CEP120: variants seen among roughly 807,000 people sequenced by gnomAD.
CEP120 encodes the protein centrosomal protein 120, also known as centrosomal protein of 120 kDa.
CEP120 carries 113 observed loss-of-function variants against 126.5 expected under a neutral mutation model. The observed-to-expected ratio is 0.89, with a 90% CI of 0.77 to 1.04. The LOEUF (loss-of-function observed/expected upper bound fraction) is 1.04. Ranked by LOEUF, CEP120 falls within the 50% of genes least tolerant of loss-of-function variation. The pLI is 0.00. For synonymous variants in CEP120, 400 were observed against 394.3 expected (o/e 1.01, Z -0.17); for missense variants, 1,230 against 1,155.7 (o/e 1.06, Z -0.93).
chr5:123,368,011 G>A (rs759401498), intron 17 of CEP120, among the ~76,000 whole-genome samples: 1 of 151,808 alleles, frequency 6.6e-6, no homozygotes. Flanking sequence ...CTTTTCACTA[G>A]GCACTTAAAC....
intron 8 of CEP120, 111 bp downstream of exon 8, chr5:123,389,813 A>G: frequency 1.0e-6 from 1 of 989,082 alleles, no homozygotes; most frequent in Non-Finnish European, 1.5e-6. Context: ...TTGGTTCTTA[A>G]CAAACCCACA....
intron 5 of CEP120, among the ~76,000 whole-genome samples, chr5:123,398,361 A>G (rs1772942356): frequency 6.6e-6 from 1 of 152,166 alleles, no homozygotes; most frequent in Non-Finnish European, 1.5e-5. Context: ...CTTGCAGAGT[A>G]TGGCAAGACT....
At chr5:123,421,410 A>G (rs1014228912) in intron 1 of CEP120, among the ~76,000 whole-genome samples, 1 of 152,250 alleles carries the variant, frequency 6.6e-6, no homozygotes, top group Non-Finnish European at 1.5e-5. Context: ...ATTAACACAC[A>G]TCGCACAGCT....
chr5:123,372,372 ACTT>A (rs1770912528), intron 17 of CEP120, among the ~76,000 whole-genome samples: 1 of 152,062 alleles, frequency 6.6e-6, no homozygotes, highest in Non-Finnish European at 1.5e-5. Context: ...TTCTGAAACT[ACTT>A]CTTTAGCCTC....
chr5:123,412,593 T>C, intron 3 of CEP120, 53 bp from the exon 4 acceptor site: 1 of 1,318,710 alleles, frequency 7.6e-7, no homozygotes, highest in East Asian at 2.4e-5. Flanking sequence ...GGAAAAAACA[T>C]ATTGGGAAAT....
intron 4 of CEP120, among the ~76,000 whole-genome samples, chr5:123,408,384 G>GA (rs969635749): frequency 6.8e-4 from 86 of 126,640 alleles, no homozygotes; most frequent in East Asian, 5.3e-3. Context: ...GGCTCAATAA[G>GA]AAAAAAAAAA....
At chr5:123,362,084 C>G (rs1770121468) in intron 18 of CEP120, among the ~76,000 whole-genome samples, 1 of 151,286 alleles carries the variant, frequency 6.6e-6, no homozygotes, top group Admixed American at 6.6e-5. Context: ...CCTTTAACAG[C>G]CATTCTCTTC....
chr5:123,361,572 C>A (rs1399383588), intron 18 of CEP120, among the ~76,000 whole-genome samples: 1 of 151,816 alleles, frequency 6.6e-6, no homozygotes, highest in East Asian at 1.9e-4. Context: ...TTAGCCCTTA[C>A]ATACTTTTTG....
intron 3 of CEP120, among the ~76,000 whole-genome samples, chr5:123,413,185 T>C (rs531326485): frequency 4.1e-4 from 62 of 152,018 alleles, no homozygotes; most frequent in South Asian, 8.3e-4. Flanking sequence ...GATGGGAGGA[T>C]TGCTTGAGCC....
intron 4 of CEP120, chr5:123,401,110 G>A: frequency 6.3e-7 from 1 of 1,598,596 alleles, no homozygotes; most frequent in Non-Finnish European, 8.6e-7. Context: ...GTCTTCGTAT[G>A]AATACTCATG....
chr5:123,406,601 C>A (rs1481376353), intron 4 of CEP120, among the ~76,000 whole-genome samples: 36 of 121,444 alleles, frequency 3.0e-4, no homozygotes, highest in Admixed American at 8.1e-4. Flanking sequence ...AAAAAAAAAA[C>A]CACCACCCTA....
intron 19 of CEP120, among the ~76,000 whole-genome samples, chr5:123,348,326 CACCAAAACAG>C (rs1768974849): frequency 6.6e-6 from 1 of 152,088 alleles, no homozygotes; most frequent in African/African-American, 2.4e-5. Context: ...ATCTTTAACC[CACCAAAACAG>C]TGCTTAGCAA....
At position 123,412,387 on chromosome 5, in the gene CEP120, T is replaced by C. The variant is rs1774116909; in HGVS notation, c.463+12A>G. 2 of 1,589,434 alleles carry C rather than the reference T, an allele frequency of 1.3e-6. No individual in the cohort carries two copies. The highest frequency in any genetic ancestry group is 1.7e-6 in the Non-Finnish European group (2 of 1,172,234). ...ACTTCTCAGAGAATGTTTTTAGAGA[T>C]GATGCACAAACCTTTTCCATCTCGA... On this transcript the variant is annotated intron_variant, in intron 4 of 19. Coordinates refer to ENST00000306467, the MANE Select transcript of CEP120 (RefSeq NM_001375405.1).
chr5:123,406,188 A>C (rs1281872630), intron 4 of CEP120, among the ~76,000 whole-genome samples: 1 of 145,478 alleles, frequency 6.9e-6, no homozygotes. Context: ...GAAAAAAAAA[A>C]CCACAGAACA....
At position 123,386,597 on chromosome 5, in the gene CEP120, T is replaced by A. The variant is rs763011720; in HGVS notation, c.1501A>T (p.Met501Leu). The A allele has an allele frequency of 3.4e-5, 54 of 1,595,930 alleles. No individual in the cohort carries two copies. The highest frequency in any genetic ancestry group is 4.4e-5 in the Non-Finnish European group (52 of 1,171,468). Reference sequence around the variant, plus strand: ...TAAGACTGGGGAAGAAAAACTTCCATGTTTTTCCGAACTTCTACAGGAGGA... The same window carrying A: ...TAAGACTGGGGAAGAAAAACTTCCAAGTTTTTCCGAACTTCTACAGGAGGA... ...TNPPVEVRKN[M>L]EVFLPQSYCA... Residue 501 changes from methionine (M) to leucine (L), a missense_variant, in exon 10 of 20, where the codon ATG (methionine) becomes TTG (leucine). Coordinates refer to ENST00000306467, the MANE Select transcript of CEP120 (RefSeq NM_001375405.1).
At chr5:123,410,329 T>A (rs1773968080) in intron 4 of CEP120, among the ~76,000 whole-genome samples, 1 of 152,198 alleles carries the variant, frequency 6.6e-6, no homozygotes, top group Non-Finnish European at 1.5e-5. Context: ...ATTTTGTAGA[T>A]ACTGACAAAT....
intron 3 of CEP120, among the ~76,000 whole-genome samples, chr5:123,413,943 C>T (rs1298756976): frequency 1.3e-5 from 2 of 152,044 alleles, no homozygotes; most frequent in East Asian, 1.9e-4. Context: ...TATTTATTTA[C>T]AGAGAATCAA....
chr5:123,391,897 G>A (rs1427446877), intron 6 of CEP120, among the ~76,000 whole-genome samples: 1 of 151,764 alleles, frequency 6.6e-6, no homozygotes, highest in Non-Finnish European at 1.5e-5. Context: ...AATATCTCTG[G>A]AGTGGAGTAT....
At chr5:123,423,763 AT>A (rs1224747734), upstream of CEP120, among the ~76,000 whole-genome samples, 13 of 152,262 alleles carry the variant, frequency 8.5e-5, no homozygotes, top group South Asian at 6.2e-4. Context: ...TCACAAAAAA[AT>A]AATGACTTAA....
Sources: allele counts gnomAD v4.1 joint callset (sites outside exome capture counted in the v4.1 genomes callset), GRCh38; gene constraint gnomAD v4.1.1; transcripts MANE v1.5; gene names NCBI Gene and HGNC (gene_info 2026-07-23, HGNC 2026-07-21).